NXPE2: variants seen among roughly 807,000 people sequenced by gnomAD.
NXPE2 encodes the protein neurexophilin and PC-esterase domain family member 2.
A neutral mutation model predicts 34.4 loss-of-function variants in NXPE2; 34 were observed. That is an observed-to-expected ratio of 0.99 (90% CI 0.75 to 1.31). The LOEUF is 1.31. Ranked by LOEUF, NXPE2 falls within the 40% of genes most tolerant of loss-of-function variation. The pLI is 0.00. For synonymous variants in NXPE2, 235 were observed against 231.3 expected, an observed-to-expected ratio of 1.02 and a Z score of -0.15; for missense variants, 649 against 672.5, an observed-to-expected ratio of 0.97 and a Z score of 0.39.
chr11:114,641,905 A>C, the NXPE2 span, among the ~76,000 whole-genome samples: 21,736 of 152,060 alleles, frequency 0.14, 2,529 homozygotes, highest in African/African-American at 0.32. Context: ...ATGAAAGAAC[A>C]CTAGAGTAAC....
At chr11:114,711,153 A>G (rs1859604752), downstream of NXPE2, among the ~76,000 whole-genome samples, 1 of 152,190 alleles carries the variant, frequency 6.6e-6, no homozygotes, top group Non-Finnish European at 1.5e-5. Flanking sequence ...ACTAGGAACT[A>G]CTGTTTTTCC....
chr11:114,796,589 A>G, the NXPE2 span, among the ~76,000 whole-genome samples: 304 of 152,344 alleles, frequency 2.0e-3, 1 homozygote, highest in Non-Finnish European at 3.4e-3. Context: ...GGCATAGTGA[A>G]TCACCCACTT....
chr11:114,790,235 G>A, the NXPE2 span, among the ~76,000 whole-genome samples: 6 of 152,098 alleles, frequency 3.9e-5, no homozygotes, highest in East Asian at 9.6e-4. Flanking sequence ...TCCAAACAAG[G>A]GTCAATAGAC....
chr11:114,473,785 C>G, the NXPE2 span, among the ~76,000 whole-genome samples: 1 of 152,172 alleles, frequency 6.6e-6, no homozygotes, highest in African/African-American at 2.4e-5. Context: ...CTAAAGCAAG[C>G]CTACCTGGTT....
At chr11:114,765,257 T>G in the NXPE2 span, among the ~76,000 whole-genome samples, 1 of 152,338 alleles carries the variant, frequency 6.6e-6, no homozygotes, top group Admixed American at 6.5e-5. Context: ...CAGACATACT[T>G]TTTTTATGGC....
the NXPE2 span, among the ~76,000 whole-genome samples, chr11:114,482,064 T>C: frequency 6.6e-6 from 1 of 152,102 alleles, no homozygotes; most frequent in Non-Finnish European, 1.5e-5. Flanking sequence ...GATTAAAGCC[T>C]CTCTCATTTT....
At chr11:114,736,440 AT>A in the NXPE2 span, among the ~76,000 whole-genome samples, 1 of 152,284 alleles carries the variant, frequency 6.6e-6, no homozygotes, top group East Asian at 1.9e-4. Context: ...TATTTCTCCC[AT>A]TTGCTTTTGA....
At chr11:114,654,341 T>A in the NXPE2 span, among the ~76,000 whole-genome samples, 1 of 151,934 alleles carries the variant, frequency 6.6e-6, no homozygotes, top group Non-Finnish European at 1.5e-5. Context: ...GGATCCCAAC[T>A]ATTTTTTTTT....
the NXPE2 span, among the ~76,000 whole-genome samples, chr11:114,488,852 T>G: frequency 6.6e-6 from 1 of 151,836 alleles, no homozygotes; most frequent in Non-Finnish European, 1.5e-5. Context: ...AAGAAATAAC[T>G]AAGATCAGAG....
the NXPE2 span, among the ~76,000 whole-genome samples, chr11:114,657,085 C>T: frequency 6.6e-6 from 1 of 152,184 alleles, no homozygotes; most frequent in Non-Finnish European, 1.5e-5. Context: ...CAGAGTGAGA[C>T]TCCATCTCAA....
chr11:114,658,861 C>T, the NXPE2 span, among the ~76,000 whole-genome samples: 1 of 152,158 alleles, frequency 6.6e-6, no homozygotes, highest in Non-Finnish European at 1.5e-5. Flanking sequence ...AAGAGAATCT[C>T]ACTCATTCTC....
the NXPE2 span, among the ~76,000 whole-genome samples, chr11:114,789,567 C>T: frequency 6.6e-6 from 1 of 152,048 alleles, no homozygotes; most frequent in African/African-American, 2.4e-5. Flanking sequence ...TACTGATGGT[C>T]CAGGAGATAA....
At chr11:114,664,913 G>A in the NXPE2 span, among the ~76,000 whole-genome samples, 1 of 152,142 alleles carries the variant, frequency 6.6e-6, no homozygotes, top group Non-Finnish European at 1.5e-5. Flanking sequence ...GCTAATGTAA[G>A]TGTTCAGAGC....
At chr11:114,664,487 C>T in the NXPE2 span, among the ~76,000 whole-genome samples, 24 of 152,146 alleles carry the variant, frequency 1.6e-4, no homozygotes, top group Non-Finnish European at 3.1e-4. Context: ...GTAAATTGCA[C>T]CTCAATAAAT....
At chr11:114,497,992 T>C in the NXPE2 span, among the ~76,000 whole-genome samples, 6 of 152,158 alleles carry the variant, frequency 3.9e-5, no homozygotes, top group Admixed American at 3.9e-4. Flanking sequence ...TTTGCATTTC[T>C]TGTTAGGATG....
At chr11:114,798,230 A>G in the NXPE2 span, among the ~76,000 whole-genome samples, 1 of 152,228 alleles carries the variant, frequency 6.6e-6, no homozygotes, top group African/African-American at 2.4e-5. Flanking sequence ...AAATGGCAGC[A>G]CAAAAACCCC....
At chr11:114,803,988 G>C in the NXPE2 span, among the ~76,000 whole-genome samples, 2 of 152,110 alleles carry the variant, frequency 1.3e-5, no homozygotes, top group African/African-American at 4.8e-5. Flanking sequence ...TGAGAATTAG[G>C]CTTCAAAATA....
At chr11:114,669,044 G>A in the NXPE2 span, among the ~76,000 whole-genome samples, 1 of 151,990 alleles carries the variant, frequency 6.6e-6, no homozygotes, top group Non-Finnish European at 1.5e-5. Flanking sequence ...GGAAGAGACT[G>A]ATCAGATTTA....
the NXPE2 span, among the ~76,000 whole-genome samples, chr11:114,713,377 G>A: frequency 6.6e-6 from 1 of 152,066 alleles, no homozygotes; most frequent in Admixed American, 6.5e-5. Context: ...ACTTAAATGT[G>A]GAAATCAAGA....
Sources: allele counts gnomAD v4.1 joint callset (sites outside exome capture counted in the v4.1 genomes callset), GRCh38; gene constraint gnomAD v4.1.1; transcripts MANE v1.5; gene names NCBI Gene and HGNC (gene_info 2026-07-23, HGNC 2026-07-21).